GPLD1: variants seen among roughly 807,000 people sequenced by gnomAD.
GPLD1 encodes glycosylphosphatidylinositol specific phospholipase D1.
Under a neutral mutation model 112.6 loss-of-function variants are expected in GPLD1, and 84 were observed. The observed-to-expected ratio is 0.75, with a 90% CI of 0.63 to 0.89. GPLD1 has a LOEUF of 0.89. Among genes scored for constraint, GPLD1 ranks in the 40% least tolerant of loss-of-function variants. The pLI is 0.00. For missense variants in GPLD1, 1,044 were observed against 1,051.5 expected, an observed-to-expected ratio of 0.99 and a Z score of 0.10; for synonymous variants, 386 against 403.8, an observed-to-expected ratio of 0.96 and a Z score of 0.53.
intron 24 of GPLD1, among the ~76,000 whole-genome samples, chr6:24,430,458 T>C (rs1762366916): frequency 6.6e-6 from 1 of 152,182 alleles, no homozygotes; most frequent in Non-Finnish European, 1.5e-5. Context: ...GCTGGGACCA[T>C]GTCTCAGGTT....
intron 20 of GPLD1, among the ~76,000 whole-genome samples, chr6:24,441,503 G>A (rs1160970878): frequency 6.6e-6 from 1 of 152,130 alleles, no homozygotes; most frequent in Non-Finnish European, 1.5e-5. Flanking sequence ...GTTACGACAC[G>A]AGAGTCCTGC....
chr6:24,471,544 A>G (rs6925403), intron 7 of GPLD1, among the ~76,000 whole-genome samples: 9,271 of 152,246 alleles, frequency 0.061, 847 homozygotes, highest in African/African-American at 0.2. Context: ...CTATTGATAA[A>G]TCATTCTGGG....
chr6:24,430,564 A>G (rs1581723752), intron 24 of GPLD1, among the ~76,000 whole-genome samples: 1 of 151,510 alleles, frequency 6.6e-6, no homozygotes, highest in East Asian at 1.9e-4. Context: ...AGGCAGCCCC[A>G]TGAGAAGTTT....
chr6:24,454,125 C>G lies in GPLD1; in HGVS notation c.1225G>C (p.Gly409Arg), dbSNP rs142006027. 6.2e-7 allele frequency: 1 copy of G among 1,614,036 alleles called. No individual in the cohort carries two copies. Among genetic ancestry groups the G allele is most frequent in the African/African-American group, 1.3e-5 (1 of 75,038 alleles). Residue 409 changes from glycine to arginine, a missense_variant, in exon 14 of 25, where the codon GGC becomes CGC. Gly to Arg is a moderately radical substitution (Grantham distance 125, BLOSUM62 -2). Transcript: ENST00000230036. Reference sequence around the variant, plus strand: ...TACACGCGCCCGATGTGGATGTGGCCGGGGCGGCTGTAGCCTGGTGCGCCC... The same window carrying G: ...TACACGCGCCCGATGTGGATGTGGCGGGGGCGGCTGTAGCCTGGTGCGCCC... ...VVGAPGYSRP[G>R]HIHIGRVYLI...
At chr6:24,438,527 A>G (rs1762649135) in intron 20 of GPLD1, among the ~76,000 whole-genome samples, 1 of 152,204 alleles carries the variant, frequency 6.6e-6, no homozygotes. Flanking sequence ...TGCCTTGTTT[A>G]TGGGAAACTG....
At chr6:24,470,681 C>A (rs1041886155) in intron 7 of GPLD1, among the ~76,000 whole-genome samples, 8 of 152,138 alleles carry the variant, frequency 5.3e-5, no homozygotes, top group Non-Finnish European at 1.2e-4. Context: ...TCACTGAAAC[C>A]TCCGCCTCCC....
At chr6:24,435,216 T>C (rs1215510518) in intron 22 of GPLD1, among the ~76,000 whole-genome samples, 1 of 150,532 alleles carries the variant, frequency 6.6e-6, no homozygotes, top group Admixed American at 6.6e-5. Flanking sequence ...TTTCACAGTG[T>C]TAGCCAGGAT....
intron 11 of GPLD1, among the ~76,000 whole-genome samples, chr6:24,461,922 T>C (rs187600902): frequency 6.6e-6 from 1 of 152,304 alleles, no homozygotes; most frequent in East Asian, 1.9e-4. Flanking sequence ...GTAATATTAA[T>C]AACTTATTAA....
In GPLD1 at chr6:24,476,138, G is replaced by A. The variant is rs535754479; in HGVS notation, c.330+43C>T. 1.0e-5 allele frequency: 11 copies of A among 1,070,796 alleles called. No individual in the cohort carries two copies. The African/African-American group carries it at 1.7e-4, about 17-fold the overall frequency. The allele number at this position is 1,070,796 out of a possible 1,614,324, so 66.3% of individuals were successfully genotyped here. A position where few individuals can be genotyped will look rare whatever the true frequency, so the allele number is the denominator to read the frequency against. On this transcript the variant is annotated intron_variant, in intron 4 of 24. Transcript: ENST00000230036. ...GCGGGTGCAAACACAGTGCATGGCA[G>A]GTTTGGTGCTAAATATTTTAAGGAT...
In GPLD1 at chr6:24,437,239, C is replaced by T; in HGVS notation, c.2071G>A (p.Ala691Thr). The change falls in exon 21 of 25, where the codon GCC becomes ACC. Residue 691 changes from alanine (A) to threonine (T), a missense_variant. Transcript: ENST00000230036. ...GATGTGAGTGCGTACATGCGAGTGG[C>T]TCCGCCTTGGTGTAGGGTCACGGTC... ...FLTVTLHQGG[A>T]TRMYALTSDA... 1.2e-6 allele frequency: 2 copies of T among 1,614,200 alleles called. No individual in the cohort carries two copies. The highest frequency in any genetic ancestry group is 2.2e-5 in the East Asian group (1 of 44,894).
At chr6:24,456,752 A>G (rs1038083345) in intron 12 of GPLD1, 115 bp from the exon 13 acceptor site, 2 of 642,796 alleles carry the variant, frequency 3.1e-6, no homozygotes, top group Non-Finnish European at 5.3e-6. Context: ...TAGAAGTGCT[A>G]AACAATAAAA....
intron 20 of GPLD1, among the ~76,000 whole-genome samples, chr6:24,441,159 A>G (rs1762735141): frequency 1.3e-5 from 2 of 148,848 alleles, no homozygotes; most frequent in Admixed American, 1.3e-4. Context: ...AAAAAAAAAT[A>G]GCTGGGCATG....
In GPLD1 at chr6:24,489,480, A is replaced by G; in HGVS notation, c.32T>C (p.Leu11Pro). The change falls in exon 1 of 25, where the codon CTG (leucine) becomes CCG (proline). Residue 11 changes from leucine (L) to proline (P), a missense_variant. Physicochemically the swap from Leu to Pro is moderately conservative, Grantham distance 98. Transcript: ENST00000230036. Reference sequence around the variant, plus strand: ...ATGGCAGAGAGAACCCAACATGATCAGCAGGCCAGGCCACAACCTGAAAGC... The same window carrying G: ...ATGGCAGAGAGAACCCAACATGATCGGCAGGCCAGGCCACAACCTGAAAGC... MSAFRLWPGLLIMLGSLCHRG... is the reference protein window; with the variant it reads MSAFRLWPGLPIMLGSLCHRG... The G allele has an allele frequency of 6.2e-7, 1 of 1,614,092 alleles. No homozygotes were observed. Among genetic ancestry groups the G allele is most frequent in the Non-Finnish European group, 8.5e-7 (1 of 1,179,952 alleles).
intron 1 of GPLD1, chr6:24,494,880 C>T (rs1004841333): frequency 4.3e-6 from 5 of 1,152,994 alleles, no homozygotes; most frequent in Non-Finnish European, 5.4e-6. Flanking sequence ...CGCCAGCTCC[C>T]ACGCTTTCCC....
chr6:24,484,180 G>C (rs1764296828), intron 2 of GPLD1, among the ~76,000 whole-genome samples: 1 of 152,052 alleles, frequency 6.6e-6, no homozygotes, highest in Non-Finnish European at 1.5e-5. Flanking sequence ...CTCCCAAAGT[G>C]CTGGGATTAC....
rs1762226003 is a variant in GPLD1 at position 24,426,020 on chromosome 6, C to T, written c.*3012G>A. On this transcript the variant is annotated 3_prime_UTR_variant, in exon 25 of 25. Transcript: ENST00000230036. Reference sequence around the variant, plus strand: ...CAGAGACCCTAGTTTTGTCCCCACTCCATCTTCAAATAATTTTGGTCTCTT... The same window carrying T: ...CAGAGACCCTAGTTTTGTCCCCACTTCATCTTCAAATAATTTTGGTCTCTT... 6.6e-6 allele frequency: 1 copy of T among 152,176 alleles called. No homozygotes were observed. Among genetic ancestry groups the T allele is most frequent in the South Asian group, 2.1e-4 (1 of 4,826 alleles). 9.4% of individuals were successfully genotyped at this position (152,176 alleles called of 1,614,324 possible).
intron 1 of GPLD1, among the ~76,000 whole-genome samples, chr6:24,488,371 C>T (rs1764448662): frequency 6.6e-6 from 1 of 151,206 alleles, no homozygotes; most frequent in African/African-American, 2.4e-5. Context: ...GAGATTGCGC[C>T]ACTGCACTCC....
intron 10 of GPLD1, among the ~76,000 whole-genome samples, chr6:24,464,733 C>T (rs928487452): frequency 6.6e-6 from 1 of 152,216 alleles, no homozygotes; most frequent in African/African-American, 2.4e-5. Flanking sequence ...GGCACAGGTC[C>T]CGCCCAGAGA....
At position 24,454,091 on chromosome 6, in the gene GPLD1, T is replaced by C; in HGVS notation, c.1259A>G (p.Tyr420Cys). Residue 420 changes from tyrosine to cysteine, a missense_variant, in exon 14 of 25, where the codon TAC (tyrosine) becomes TGC (cysteine). Transcript: ENST00000230036. ...AGGTGGCAGGCCCAGGTCATTGCCG[T>C]AGATGAGGTACACGCGCCCGATGTG... ...HIHIGRVYLI[Y>C]GNDLGLPPVD... 2 of 1,613,992 alleles carry C rather than the reference T, an allele frequency of 1.2e-6. No individual in the cohort carries two copies. Among genetic ancestry groups the C allele is most frequent in the Non-Finnish European group, 1.7e-6 (2 of 1,179,904 alleles).
Sources: allele counts gnomAD v4.1 joint callset (sites outside exome capture counted in the v4.1 genomes callset), GRCh38; gene constraint gnomAD v4.1.1; transcripts MANE v1.5; gene names NCBI Gene and HGNC (gene_info 2026-07-23, HGNC 2026-07-21).